The following NTNG1 variants were observed in gnomAD, a reference collection of about 807,000 sequenced individuals.
NTNG1 encodes the protein netrin-G1.
A neutral mutation model predicts 54.0 loss-of-function variants in NTNG1; 16 were observed. The observed-to-expected ratio is 0.30, with a 90% CI of 0.20 to 0.45. The LOEUF is 0.45. Ranked by LOEUF, NTNG1 falls within the 20% of genes least tolerant of loss-of-function variation. The pLI is 1.00. For missense variants in NTNG1, 530 were observed against 678.7 expected, an observed-to-expected ratio of 0.78 and a Z score of 2.43; for synonymous variants, 255 against 263.1, an observed-to-expected ratio of 0.97 and a Z score of 0.30.
chr1:107,355,843 G>A (rs1010273015), intron 3 of NTNG1, among the ~76,000 whole-genome samples: 2 of 152,012 alleles, frequency 1.3e-5, no homozygotes, highest in African/African-American at 4.8e-5. Context: ...ACAGAGATTC[G>A]GTAATCCATG....
chr1:107,298,162 A>G (rs776822471), intron 2 of NTNG1, among the ~76,000 whole-genome samples: 2 of 152,176 alleles, frequency 1.3e-5, no homozygotes, highest in Non-Finnish European at 2.9e-5. Context: ...TGTATTTCTG[A>G]ATTCTGGGGA....
intron 2 of NTNG1, among the ~76,000 whole-genome samples, chr1:107,288,205 CA>C (rs1665327709): frequency 6.6e-6 from 1 of 151,880 alleles, no homozygotes; most frequent in South Asian, 2.1e-4. Flanking sequence ...GAGGTAAAAG[CA>C]AGAGAAAAAA....
chr1:107,183,266 A>T (rs756074252), intron 2 of NTNG1, among the ~76,000 whole-genome samples: 2 of 152,142 alleles, frequency 1.3e-5, no homozygotes, highest in African/African-American at 2.4e-5. Flanking sequence ...TGTATCTGGC[A>T]CACTGATCTG....
At chr1:107,190,433 T>C (rs1323327554) in intron 2 of NTNG1, among the ~76,000 whole-genome samples, 1 of 152,120 alleles carries the variant, frequency 6.6e-6, no homozygotes, top group Non-Finnish European at 1.5e-5. Flanking sequence ...TTAAAAATTT[T>C]ATTATTATTA....
intron 3 of NTNG1, among the ~76,000 whole-genome samples, chr1:107,332,078 A>G (rs1161990162): frequency 6.6e-6 from 1 of 152,104 alleles, no homozygotes; most frequent in Non-Finnish European, 1.5e-5. Flanking sequence ...TTGTAAGTGG[A>G]CAACTGAGGG....
At chr1:107,342,928 C>T (rs946017526) in intron 3 of NTNG1, among the ~76,000 whole-genome samples, 6 of 152,122 alleles carry the variant, frequency 3.9e-5, no homozygotes, top group Non-Finnish European at 7.4e-5. Context: ...CCTGTGCCTC[C>T]TAAAAGCTAT....
At chr1:107,258,059 G>A (rs1283383378) in intron 2 of NTNG1, among the ~76,000 whole-genome samples, 1 of 152,102 alleles carries the variant, frequency 6.6e-6, no homozygotes, top group Non-Finnish European at 1.5e-5. Context: ...AACATTATAT[G>A]AAAGACACTC....
intron 2 of NTNG1, among the ~76,000 whole-genome samples, chr1:107,291,976 CAGA>C (rs2101767181): frequency 6.8e-6 from 1 of 146,290 alleles, no homozygotes; most frequent in East Asian, 2.2e-4. Flanking sequence ...GACTTGTAAC[CAGA>C]AGATTTTTTT....
At chr1:107,342,940 C>T (rs978910188) in intron 3 of NTNG1, among the ~76,000 whole-genome samples, 3 of 152,068 alleles carry the variant, frequency 2.0e-5, no homozygotes, top group Admixed American at 2.0e-4. Flanking sequence ...AAAAGCTATT[C>T]CTTTGCAGCT....
chr1:107,412,445 C>T (rs1007613737), intron 5 of NTNG1, among the ~76,000 whole-genome samples: 3 of 152,214 alleles, frequency 2.0e-5, no homozygotes, highest in African/African-American at 7.2e-5. Context: ...CAATGCAGTA[C>T]AACCAGGAAT....
intron 3 of NTNG1, among the ~76,000 whole-genome samples, chr1:107,361,182 TTA>T (rs1400013803): frequency 6.9e-6 from 1 of 144,098 alleles, no homozygotes; most frequent in African/African-American, 2.5e-5. Context: ...ATATATTATA[TTA>T]TATATAATTA....
intron 3 of NTNG1, among the ~76,000 whole-genome samples, chr1:107,385,566 A>G (rs1671911037): frequency 6.6e-6 from 1 of 151,646 alleles, no homozygotes; most frequent in African/African-American, 2.4e-5. Context: ...GTGACTGTGT[A>G]CCCAGCTAAA....
chr1:107,192,726 T>G (rs1658054417), intron 2 of NTNG1, among the ~76,000 whole-genome samples: 1 of 152,084 alleles, frequency 6.6e-6, no homozygotes, highest in Admixed American at 6.6e-5. Context: ...ACTAAAATGG[T>G]CTTTGCTACA....
At chr1:107,316,915 A>G (rs1667368330) in intron 2 of NTNG1, among the ~76,000 whole-genome samples, 2 of 152,250 alleles carry the variant, frequency 1.3e-5, no homozygotes, top group South Asian at 2.1e-4. Flanking sequence ...AATCTGAGAA[A>G]GCAGGATAGA....
intron 2 of NTNG1, among the ~76,000 whole-genome samples, chr1:107,245,618 A>T (rs376913202): frequency 3.9e-5 from 6 of 152,014 alleles, no homozygotes; most frequent in African/African-American, 1.2e-4. Context: ...GTCTAATTTG[A>T]TGCTACTTAT....
intron 2 of NTNG1, among the ~76,000 whole-genome samples, chr1:107,217,976 A>T (rs1002586887): frequency 1.3e-5 from 2 of 152,104 alleles, no homozygotes; most frequent in African/African-American, 4.8e-5. Flanking sequence ...GTTCTAGGGT[A>T]TAGTTTAATT....
At chr1:107,432,433 A>G (rs1183942085) in intron 6 of NTNG1, among the ~76,000 whole-genome samples, 2 of 152,242 alleles carry the variant, frequency 1.3e-5, no homozygotes, top group African/African-American at 4.8e-5. Flanking sequence ...TAGCAAAGCT[A>G]AGCTTGTCAG....
chr1:107,359,175 T>C (rs1430016450), intron 3 of NTNG1, among the ~76,000 whole-genome samples: 1 of 152,172 alleles, frequency 6.6e-6, no homozygotes, highest in African/African-American at 2.4e-5. Flanking sequence ...GTCACTGATG[T>C]GTGAGCCTCA....
intron 2 of NTNG1, among the ~76,000 whole-genome samples, chr1:107,240,669 G>A (rs984266351): frequency 6.6e-6 from 1 of 152,116 alleles, no homozygotes; most frequent in Non-Finnish European, 1.5e-5. Context: ...TTAATACCTG[G>A]CTATCTGTTG....
Sources: allele counts gnomAD v4.1 joint callset (sites outside exome capture counted in the v4.1 genomes callset), GRCh38; gene constraint gnomAD v4.1.1; transcripts MANE v1.5; gene names NCBI Gene and HGNC (gene_info 2026-07-23, HGNC 2026-07-21).